Variants in SCAMP1 observed in about 807,000 individuals in gnomAD.
SCAMP1 encodes the protein secretory carrier-associated membrane protein 1.
SCAMP1 carries 15 observed loss-of-function variants against 41.8 expected under a neutral mutation model. That is an observed-to-expected ratio of 0.36 (90% CI 0.24 to 0.55). The LOEUF (loss-of-function observed/expected upper bound fraction) is 0.55. Ranked by LOEUF, SCAMP1 falls within the 20% of genes least tolerant of loss-of-function variation. SCAMP1 has a pLI of 0.86. For missense variants in SCAMP1, 341 were observed against 412.6 expected (o/e 0.83, Z 1.50); for synonymous variants, 135 against 136.8 (o/e 0.99, Z 0.09).
Position 78,459,353 on chromosome 5 carries a change from G to C in SCAMP1, c.843G>C (p.Met281Ile). 6.8e-7 allele frequency: 1 copy of C among 1,476,142 alleles called. No individual in the cohort carries two copies. Among genetic ancestry groups the C allele is most frequent in the Non-Finnish European group, 9.4e-7 (1 of 1,063,012 alleles). The allele number at this position is 1,476,142 out of a possible 1,614,324, so 91.4% of individuals were successfully genotyped here. ...CATCAGCAGTCATCTCACTAGTTAT[G>C]TTCAAAAAAGTAAGTGAAATTTTAT... ...FTASAVISLV[M>I]FKKVHGLYRT... The change falls in exon 8 of 9, where the codon ATG becomes ATC. Residue 281 changes from methionine (M) to isoleucine (I), a missense_variant. By Grantham distance (10) the Met-to-Ile change is conservative (BLOSUM62 1). Transcript: ENST00000621999.
At chr5:78,450,715 A>G (rs888045741) in intron 7 of SCAMP1, among the ~76,000 whole-genome samples, 1 of 152,212 alleles carries the variant, frequency 6.6e-6, no homozygotes, top group Non-Finnish European at 1.5e-5. Flanking sequence ...ACTGACTTGC[A>G]TTCAGCTGTA....
intron 2 of SCAMP1, among the ~76,000 whole-genome samples, chr5:78,389,582 T>A (rs1751435672): frequency 6.6e-6 from 1 of 152,138 alleles, no homozygotes; most frequent in Non-Finnish European, 1.5e-5. Flanking sequence ...AAATTTAGTT[T>A]TGATTTATAA....
At chr5:78,410,686 C>A (rs1428840147) in intron 2 of SCAMP1, among the ~76,000 whole-genome samples, 1 of 152,062 alleles carries the variant, frequency 6.6e-6, no homozygotes, top group Non-Finnish European at 1.5e-5. Context: ...TGGGTCAAAT[C>A]GTATTTCTGC....
intron 2 of SCAMP1, among the ~76,000 whole-genome samples, chr5:78,411,943 C>A (rs1447199935): frequency 6.6e-6 from 1 of 151,994 alleles, no homozygotes; most frequent in Non-Finnish European, 1.5e-5. Flanking sequence ...ATGTGGTAAT[C>A]CTATGATAAT....
chr5:78,449,211 CTT>C (rs944575489), intron 6 of SCAMP1, among the ~76,000 whole-genome samples: 1 of 151,804 alleles, frequency 6.6e-6, no homozygotes, highest in African/African-American at 2.4e-5. Flanking sequence ...ACAATAATAA[CTT>C]TATTTATAAT....
At chr5:78,458,284 A>T (rs1167883012) in intron 7 of SCAMP1, among the ~76,000 whole-genome samples, 1 of 152,042 alleles carries the variant, frequency 6.6e-6, no homozygotes, top group Non-Finnish European at 1.5e-5. Flanking sequence ...TCCCACCAAC[A>T]ATTATGAGCA....
chr5:78,375,067 T>G (rs1438023867), intron 1 of SCAMP1, among the ~76,000 whole-genome samples: 1 of 152,066 alleles, frequency 6.6e-6, no homozygotes, highest in Admixed American at 6.6e-5. Context: ...CATATGATTA[T>G]AGTAACTCTG....
chr5:78,363,830 C>G (rs1271924698), intron 1 of SCAMP1, among the ~76,000 whole-genome samples: 3 of 151,868 alleles, frequency 2.0e-5, no homozygotes, highest in Non-Finnish European at 4.4e-5. Context: ...TTGTTGAGCC[C>G]CTGCTTTATA....
In SCAMP1 at chr5:78,440,051, C is replaced by G. The variant is rs376205260; in HGVS notation, c.633-9882C>G. ...AGTTCTCGTGCCGTGGTTTTCAGCTCCATCAGGTCCTTTTAAGGTCTTCTC... is the reference window on the plus strand; with the variant it reads ...AGTTCTCGTGCCGTGGTTTTCAGCTGCATCAGGTCCTTTTAAGGTCTTCTC... On this transcript the variant is annotated intron_variant, in intron 6 of 8. Coordinates refer to ENST00000621999, the MANE Select transcript of SCAMP1 (RefSeq NM_004866.6). Among the ~76,000 whole-genome samples the G allele has an allele frequency of 2.0e-5, 3 of 152,298 alleles. No homozygotes were observed. In the East Asian group the frequency reaches 5.8e-4, roughly 29 times the overall value.
At chr5:78,363,139 G>A (rs1021553175) in intron 1 of SCAMP1, among the ~76,000 whole-genome samples, 3 of 151,612 alleles carry the variant, frequency 2.0e-5, no homozygotes, top group Non-Finnish European at 4.4e-5. Context: ...TGATCCACCT[G>A]CCTCAGTCTC....
intron 1 of SCAMP1, among the ~76,000 whole-genome samples, chr5:78,361,691 A>T (rs930164371): frequency 6.6e-6 from 1 of 152,184 alleles, no homozygotes; most frequent in Admixed American, 6.5e-5. Context: ...AGCACGTGTA[A>T]TTTGTTTCCA....
At chr5:78,365,194 G>A (rs546856975) in intron 1 of SCAMP1, among the ~76,000 whole-genome samples, 74 of 152,132 alleles carry the variant, frequency 4.9e-4, no homozygotes, top group Admixed American at 1.7e-3. Flanking sequence ...CTGTTTAATG[G>A]CCAGGCGCAG....
chr5:78,387,309 T>A (rs1001581034), intron 1 of SCAMP1, among the ~76,000 whole-genome samples: 1 of 151,974 alleles, frequency 6.6e-6, no homozygotes, highest in Admixed American at 6.5e-5. Flanking sequence ...GAAGTTGCGA[T>A]TGTTTTTTAT....
intron 6 of SCAMP1, among the ~76,000 whole-genome samples, chr5:78,440,078 A>G (rs935208981): frequency 1.3e-5 from 2 of 152,056 alleles, no homozygotes; most frequent in Non-Finnish European, 2.9e-5. Context: ...GGTCTTCTCT[A>G]TGCTGTTTAT....
chr5:78,473,551 G>A (rs1753935458), intron 8 of SCAMP1, among the ~76,000 whole-genome samples: 1 of 152,070 alleles, frequency 6.6e-6, no homozygotes, highest in African/African-American at 2.4e-5. Context: ...CTGAGGTTTG[G>A]GGGACAGTTG....
intron 6 of SCAMP1, among the ~76,000 whole-genome samples, chr5:78,440,345 T>C (rs1238835370): frequency 6.6e-6 from 1 of 152,254 alleles, no homozygotes; most frequent in Non-Finnish European, 1.5e-5. Flanking sequence ...TGTGGTTTTA[T>C]CTACCTTTGG....
At chr5:78,400,376 A>G (rs1028668284) in intron 2 of SCAMP1, among the ~76,000 whole-genome samples, 2 of 152,198 alleles carry the variant, frequency 1.3e-5, no homozygotes, top group Admixed American at 1.3e-4. Flanking sequence ...CATAAACTTC[A>G]ACATTAGTTT....
intron 7 of SCAMP1, among the ~76,000 whole-genome samples, chr5:78,454,552 A>T (rs1050524180): frequency 1.6e-4 from 24 of 151,894 alleles, no homozygotes; most frequent in Non-Finnish European, 3.4e-4. Flanking sequence ...CATGGTGGAT[A>T]AGCTTTTTGA....
intron 2 of SCAMP1, among the ~76,000 whole-genome samples, chr5:78,389,627 G>A (rs928915918): frequency 6.6e-6 from 1 of 152,044 alleles, no homozygotes; most frequent in African/African-American, 2.4e-5. Flanking sequence ...TCATAAAACA[G>A]TGTTTTGCTA....
Sources: allele counts gnomAD v4.1 joint callset (sites outside exome capture counted in the v4.1 genomes callset), GRCh38; gene constraint gnomAD v4.1.1; transcripts MANE v1.5; gene names NCBI Gene and HGNC (gene_info 2026-07-23, HGNC 2026-07-21).